Variants in COL4A5 observed in about 807,000 individuals in gnomAD.
COL4A5 encodes the protein collagen alpha-5(IV) chain.
Under a neutral mutation model 130.2 loss-of-function variants are expected in COL4A5, and 26 were observed. The observed-to-expected ratio is 0.20, with a 90% CI of 0.15 to 0.28. The LOEUF (loss-of-function observed/expected upper bound fraction) is 0.28. Ranked by LOEUF, COL4A5 falls within the 10% of genes least tolerant of loss-of-function variation. The pLI, the probability that COL4A5 is intolerant of heterozygous loss-of-function variation, is 1.00. For missense variants in COL4A5, 1,131 were observed against 1,344.3 expected (o/e 0.84, Z 2.48); for synonymous variants, 496 against 439.6 (o/e 1.13, Z -1.60).
intron 1 of COL4A5, among the ~76,000 whole-genome samples, chrX:108,449,722 C>T (rs183589066): frequency 2.2e-4 from 24 of 109,885 alleles, no homozygotes; most frequent in Non-Finnish European, 2.8e-4. Flanking sequence ...TATGGTCTCT[C>T]TGTGACCTCA....
Position 108,648,893 on chromosome X carries a change from C to T in COL4A5, c.3247-6438C>T, listed in dbSNP as rs373357489. Among the ~76,000 whole-genome samples the T allele has an allele frequency of 1.2e-4, 13 of 111,050 alleles. No homozygotes were observed. In the South Asian group the frequency reaches 4.9e-3, roughly 42 times the overall value. ...ATAGTACTGGAAGTCCTAGCTAGAA[C>T]AATCAGACAAGAGAAAGAAAAAAAG... On this transcript the variant is annotated intron_variant, in intron 36 of 52. Coordinates refer to ENST00000328300, the MANE Select transcript of COL4A5 (RefSeq NM_033380.3).
intron 36 of COL4A5, among the ~76,000 whole-genome samples, chrX:108,649,211 C>G (rs1244500843): frequency 9.0e-6 from 1 of 110,542 alleles, no homozygotes; most frequent in Non-Finnish European, 1.9e-5. Context: ...GACGAAAGAC[C>G]TCTCTACAAG....
At chrX:108,627,854 A>G (rs1299797050) in intron 36 of COL4A5, among the ~76,000 whole-genome samples, 2 of 110,870 alleles carry the variant, frequency 1.8e-5, no homozygotes, top group Admixed American at 9.6e-5. Context: ...ATCAATTTTA[A>G]TACTCATTTT....
chrX:108,469,367 A>G (rs1027254812), intron 1 of COL4A5, among the ~76,000 whole-genome samples: 8 of 105,508 alleles, frequency 7.6e-5, no homozygotes, highest in African/African-American at 2.8e-4. Flanking sequence ...CTGGTCTCAA[A>G]CTCCTGGGCT....
intron 31 of COL4A5, 74 bp downstream of exon 31, chrX:108,620,500 A>T (rs779831267): frequency 5.7e-6 from 5 of 874,832 alleles, no homozygotes; most frequent in Non-Finnish European, 8.3e-6. Context: ...GATAATTCCC[A>T]TGTTACACTT....
At chrX:108,455,218 T>C (rs771070143) in intron 1 of COL4A5, among the ~76,000 whole-genome samples, 2 of 112,035 alleles carry the variant, frequency 1.8e-5, no homozygotes, top group Non-Finnish European at 3.8e-5. Flanking sequence ...CTCTGACTTA[T>C]TTCACTTAGC....
At chrX:108,660,798 A>G (rs2067942046) in intron 37 of COL4A5, among the ~76,000 whole-genome samples, 1 of 111,294 alleles carries the variant, frequency 9.0e-6, no homozygotes, top group Non-Finnish European at 1.9e-5. Flanking sequence ...AATCTCAGCT[A>G]TCTTTTCCTC....
intron 1 of COL4A5, among the ~76,000 whole-genome samples, chrX:108,477,832 A>G (rs1487116414): frequency 9.1e-6 from 1 of 109,511 alleles, no homozygotes; most frequent in East Asian, 2.8e-4. Context: ...AAAAAAAAAA[A>G]AAAGAAGAAG....
chrX:108,522,483 G>A (rs892886544), intron 1 of COL4A5, among the ~76,000 whole-genome samples: 6 of 100,815 alleles, frequency 6.0e-5, no homozygotes, highest in Non-Finnish European at 8.0e-5. Context: ...TCTAGTGTGC[G>A]TGAAGTGGTA....
At chrX:108,693,741 G>A (rs1047316793) in intron 50 of COL4A5, 2 of 111,208 alleles carry the variant, frequency 1.8e-5, no homozygotes, top group African/African-American at 3.3e-5. Context: ...GATTAGCTAT[G>A]GGAAGAAGGT....
At chrX:108,572,196 T>G (rs1405585329) in intron 8 of COL4A5, among the ~76,000 whole-genome samples, 2 of 111,682 alleles carry the variant, frequency 1.8e-5, no homozygotes, top group Non-Finnish European at 3.8e-5. Context: ...TCTGGTTAAT[T>G]TGCAGTCTTC....
At chrX:108,516,919 A>G (rs942226348) in intron 1 of COL4A5, among the ~76,000 whole-genome samples, 4 of 111,701 alleles carry the variant, frequency 3.6e-5, no homozygotes, top group African/African-American at 1.3e-4. Flanking sequence ...TCTAATCTAA[A>G]TATTCATTTA....
chrX:108,461,825 A>G (rs1182887665), intron 1 of COL4A5, among the ~76,000 whole-genome samples: 1 of 111,101 alleles, frequency 9.0e-6, no homozygotes, highest in Admixed American at 9.6e-5. Context: ...GAACTCCTGA[A>G]CTCAGGTGAT....
At chrX:108,464,483 T>C (rs764501587) in intron 1 of COL4A5, among the ~76,000 whole-genome samples, 5 of 112,009 alleles carry the variant, frequency 4.5e-5, no homozygotes, top group African/African-American at 1.6e-4. Context: ...GAAGAACTGT[T>C]CAAATTACCT....
intron 31 of COL4A5, among the ~76,000 whole-genome samples, chrX:108,620,899 C>G (rs1418422781): frequency 1.8e-5 from 2 of 110,646 alleles, no homozygotes; most frequent in African/African-American, 3.3e-5. Context: ...AGGCTGGTTG[C>G]TCCCCTTCCA....
At chrX:108,600,089 T>C (rs751448926) in intron 25 of COL4A5, among the ~76,000 whole-genome samples, 1 of 112,721 alleles carries the variant, frequency 8.9e-6, no homozygotes, top group South Asian at 3.6e-4. Flanking sequence ...TTTCTCTGAT[T>C]AAAGTTTAGC....
chrX:108,641,065 G>T (rs1222627467), intron 36 of COL4A5, among the ~76,000 whole-genome samples: 1 of 111,743 alleles, frequency 8.9e-6, no homozygotes, highest in Non-Finnish European at 1.9e-5. Context: ...ATAATAAAGA[G>T]AGAAAATAAC....
chrX:108,532,403 A>G (rs1242493297), intron 1 of COL4A5, among the ~76,000 whole-genome samples: 1 of 111,499 alleles, frequency 9.0e-6, no homozygotes, highest in Non-Finnish European at 1.9e-5. Flanking sequence ...AACTCTCAAC[A>G]AACTAGGCAT....
chrX:108,513,331 G>T (rs1280834555), intron 1 of COL4A5, among the ~76,000 whole-genome samples: 3 of 111,459 alleles, frequency 2.7e-5, no homozygotes, highest in Admixed American at 9.5e-5. Flanking sequence ...TCTCAAAATG[G>T]TTATATCATT....
Sources: allele counts gnomAD v4.1 joint callset (sites outside exome capture counted in the v4.1 genomes callset), GRCh38; gene constraint gnomAD v4.1.1; transcripts MANE v1.5; gene names NCBI Gene and HGNC (gene_info 2026-07-23, HGNC 2026-07-21).